The following TP53BP2 variants were observed in gnomAD, a reference collection of about 807,000 sequenced individuals.
The protein encoded by TP53BP2 is tumor protein p53 binding protein 2.
A neutral mutation model predicts 126.2 loss-of-function variants in TP53BP2; 62 were observed. That is an observed-to-expected ratio of 0.49 (90% CI 0.40 to 0.61). TP53BP2 has a LOEUF of 0.61. Ranked by LOEUF, TP53BP2 falls within the 20% of genes least tolerant of loss-of-function variation. The pLI is 0.00. For missense variants in TP53BP2, 1,215 were observed against 1,402.8 expected, an observed-to-expected ratio of 0.87 and a Z score of 2.14; for synonymous variants, 485 against 502.9, an observed-to-expected ratio of 0.96 and a Z score of 0.48.
chr1:223,799,768 G>T, intron 11 of TP53BP2, 131 bp downstream of exon 11: 1 of 795,000 alleles, frequency 1.3e-6, no homozygotes, highest in Non-Finnish European at 1.8e-6. Context: ...ATAACAGAAT[G>T]CTAATGTATT....
chr1:223,826,124 C>T (rs1392392381), intron 1 of TP53BP2: 1 of 152,230 alleles, frequency 6.6e-6, no homozygotes, highest in African/African-American at 2.4e-5. Flanking sequence ...AGAGGCAACA[C>T]ATTTAAAGCC....
At chr1:223,814,425 C>G in intron 2 of TP53BP2, 72 bp from the exon 3 acceptor site, 1 of 1,116,252 alleles carries the variant, frequency 9.0e-7, no homozygotes, top group South Asian at 1.3e-5. Flanking sequence ...ACCATCTATC[C>G]TTCATGCAAA....
chr1:223,828,183 G>T (rs1663566782), intron 1 of TP53BP2, among the ~76,000 whole-genome samples: 1 of 152,018 alleles, frequency 6.6e-6, no homozygotes, highest in East Asian at 1.9e-4. Flanking sequence ...AAATATTTTT[G>T]AAGGCAATGA....
chr1:223,834,567 T>C (rs539548713), intron 1 of TP53BP2, among the ~76,000 whole-genome samples: 3 of 152,360 alleles, frequency 2.0e-5, no homozygotes, highest in East Asian at 3.8e-4. Flanking sequence ...TATTTATATT[T>C]GCATATTTTG....
At chr1:223,827,750 C>T (rs1332336483) in intron 1 of TP53BP2, among the ~76,000 whole-genome samples, 1 of 151,554 alleles carries the variant, frequency 6.6e-6, no homozygotes, top group African/African-American at 2.4e-5. Context: ...TTATTTTTTT[C>T]CAATATGTAT....
intron 14 of TP53BP2, among the ~76,000 whole-genome samples, chr1:223,792,742 G>GT (rs1474293181): frequency 2.0e-5 from 3 of 151,406 alleles, no homozygotes; most frequent in Non-Finnish European, 2.9e-5. Context: ...CTATAAAAAG[G>GT]TTTTTTTTAA....
In TP53BP2 at chr1:223,806,833, A is replaced by G. The variant is rs769922062; in HGVS notation, c.474+13T>C. 1.0e-5 allele frequency: 16 copies of G among 1,607,510 alleles called. No individual in the cohort carries two copies. In the Admixed American group the frequency reaches 2.4e-4, roughly 24 times the overall value. On this transcript the variant is annotated intron_variant, in intron 5 of 17. Coordinates refer to ENST00000343537, the MANE Select transcript of TP53BP2 (RefSeq NM_001031685.3). ...AGTGAGCATTCATCTCCAAAAAAAA[A>G]GGACGATACTACCTTAGTTGCCAGC...
chr1:223,809,699 T>C (rs575921341), intron 4 of TP53BP2, among the ~76,000 whole-genome samples: 17 of 152,300 alleles, frequency 1.1e-4, no homozygotes, highest in African/African-American at 3.6e-4. Context: ...GTACTGATGA[T>C]TGGAGAAAGG....
Position 223,784,269 on chromosome 1 carries a change from G to T in TP53BP2, c.3209C>A (p.Ala1070Glu). Residue 1070 changes from alanine (A) to glutamate (E), a missense_variant, in exon 17 of 18, where the codon GCG becomes GAG. By Grantham distance (107) the Ala-to-Glu change is moderately radical. This residue lies in a region of TP53BP2 where 151 missense variants were observed against 231.2 expected (regional missense o/e 0.65). Transcript: ENST00000343537. ...ATTCTGAGGTTCATAATCCCAAAGC[G>T]CATAAATGACTCCTTTATTCATTAT... Reference protein sequence around the residue: ...MGIMNKGVIYALWDYEPQNDD... With the variant: ...MGIMNKGVIYELWDYEPQNDD... 6.2e-7 allele frequency: 1 copy of T among 1,614,036 alleles called. No individual in the cohort carries two copies. The highest frequency in any genetic ancestry group is 8.5e-7 in the Non-Finnish European group (1 of 1,180,014).
intron 1 of TP53BP2, among the ~76,000 whole-genome samples, chr1:223,844,734 G>A (rs1285612984): frequency 6.6e-6 from 1 of 152,196 alleles, no homozygotes; most frequent in Non-Finnish European, 1.5e-5. Flanking sequence ...TACTCTGTAT[G>A]TATGACTGCA....
At chr1:223,805,802 G>T (rs1390918314) in intron 5 of TP53BP2, among the ~76,000 whole-genome samples, 1 of 152,190 alleles carries the variant, frequency 6.6e-6, no homozygotes, top group Non-Finnish European at 1.5e-5. Flanking sequence ...TCTTGTTTTT[G>T]TAAGTAAAGT....
At chr1:223,817,594 T>G (rs964613450) in intron 2 of TP53BP2, among the ~76,000 whole-genome samples, 1 of 152,156 alleles carries the variant, frequency 6.6e-6, no homozygotes, top group Non-Finnish European at 1.5e-5. Context: ...AAAGCAATTG[T>G]TAGCTCAACT....
rs1352591095 is a variant in TP53BP2 at position 223,821,221 on chromosome 1, A to C, written c.174T>G (p.Ser58=). Residue 58 remains serine, a splice_region_variant and synonymous_variant, in exon 2 of 18, where the codon TCT becomes TCG. Coordinates refer to ENST00000343537, the MANE Select transcript of TP53BP2 (RefSeq NM_001031685.3). ...DCHLAEVWCG[S]ERPVADNERM... is the part of the protein sequence containing the mutation. ...CACGAGGCTGTCAGCGTCTCTCACC[A>C]GAGCCACACCACACTTCAGCCAAAT... The C allele has an allele frequency of 6.2e-7, 1 of 1,614,056 alleles. No individual in the cohort carries two copies. Among genetic ancestry groups the C allele is most frequent in the Admixed American group, 1.7e-5 (1 of 60,032 alleles).
chr1:223,810,865 T>C (rs1369732383), intron 3 of TP53BP2, among the ~76,000 whole-genome samples: 1 of 152,180 alleles, frequency 6.6e-6, no homozygotes, highest in African/African-American at 2.4e-5. Flanking sequence ...TAGTCATCTA[T>C]TTAGCTACTC....
intron 2 of TP53BP2, among the ~76,000 whole-genome samples, chr1:223,816,310 G>A (rs1399768184): frequency 6.6e-6 from 1 of 152,128 alleles, no homozygotes; most frequent in Non-Finnish European, 1.5e-5. Flanking sequence ...GGGTAGTGAG[G>A]AAATGCAAAA....
rs146024936 is a variant in TP53BP2, at chr1:223,795,836, G to C, written c.2703C>G (p.Thr901=). The C allele has an allele frequency of 1.3e-6, 2 of 1,555,116 alleles. No individual in the cohort carries two copies. Among genetic ancestry groups the C allele is most frequent in the South Asian group, 2.4e-5 (2 of 82,890 alleles). Residue 901 remains threonine, a synonymous_variant, in exon 13 of 18, where the codon ACC becomes ACG. Coordinates refer to ENST00000343537, the MANE Select transcript of TP53BP2 (RefSeq NM_001031685.3). ...DSVSMRPPEI[T]GQVSLPPGKR... The stretch of plus-strand genomic sequence containing the variant: ...TTACAGGAGGCAGAGAGACCTGCCC[G>C]GTGATTTCAGGCGGGCGCATGCTCA...
chr1:223,784,898 CTAATA>C (rs1294168904), intron 16 of TP53BP2, among the ~76,000 whole-genome samples: 2 of 152,152 alleles, frequency 1.3e-5, no homozygotes, highest in African/African-American at 4.8e-5. Context: ...ATAATCAACT[CTAATA>C]TAGTAAGAAT....
At chr1:223,823,635 C>T (rs895400928) in intron 1 of TP53BP2, among the ~76,000 whole-genome samples, 8 of 152,178 alleles carry the variant, frequency 5.3e-5, no homozygotes, top group Non-Finnish European at 1.2e-4. Context: ...GCCAACAAGG[C>T]AGCACTCAAA....
chr1:223,839,669 G>A (rs1434083121), intron 1 of TP53BP2, among the ~76,000 whole-genome samples: 1 of 152,232 alleles, frequency 6.6e-6, no homozygotes, highest in Non-Finnish European at 1.5e-5. Flanking sequence ...GCCAACTGCG[G>A]TGGCTCACGC....
Sources: gnomAD v4.1 joint callset for allele counts (sites outside exome capture counted in the v4.1 genomes callset) on GRCh38, gnomAD v4.1.1 for gene constraint, gnomAD v4.1.1 regional missense constraint, MANE v1.5 for transcripts, NCBI Gene and HGNC (gene_info 2026-07-23, HGNC 2026-07-21) for gene names.